LRRTM4: variants seen among roughly 807,000 people sequenced by gnomAD.
The protein encoded by LRRTM4 is leucine-rich repeat transmembrane neuronal protein 4.
In LRRTM4, 25 loss-of-function variants were observed where a neutral mutation model predicts 47.6. The observed-to-expected ratio is 0.53, with a 90% CI of 0.38 to 0.73. The LOEUF (loss-of-function observed/expected upper bound fraction) is 0.73, where lower values mean the gene tolerates loss of function less well. LRRTM4 is among the 30% of genes least tolerant of loss of function. The pLI is 0.00. For synonymous variants in LRRTM4, 311 were observed against 269.5 expected, an observed-to-expected ratio of 1.15 and a Z score of -1.51; for missense variants, 638 against 713.4, an observed-to-expected ratio of 0.89 and a Z score of 1.20.
intron 3 of LRRTM4, among the ~76,000 whole-genome samples, chr2:77,416,791 C>T (rs998437065): frequency 5.3e-5 from 8 of 152,002 alleles, no homozygotes; most frequent in Admixed American, 3.3e-4. Flanking sequence ...AATAGGGTAA[C>T]TGCATAAATG....
chr2:77,276,006 G>C (rs1053201558), intron 3 of LRRTM4, among the ~76,000 whole-genome samples: 7 of 151,916 alleles, frequency 4.6e-5, no homozygotes, highest in Admixed American at 3.3e-4. Context: ...TTGGAACTAT[G>C]GGAAACACAT....
chr2:77,296,659 TAAC>T (rs1370530665), intron 3 of LRRTM4, among the ~76,000 whole-genome samples: 2 of 152,198 alleles, frequency 1.3e-5, no homozygotes, highest in Admixed American at 6.5e-5. Context: ...CTTGTCAAAA[TAAC>T]AACATCATCA....
chr2:76,935,110 G>C (rs900471319), intron 3 of LRRTM4, among the ~76,000 whole-genome samples: 1 of 152,180 alleles, frequency 6.6e-6, no homozygotes, highest in Non-Finnish European at 1.5e-5. Flanking sequence ...AAGCCTATTA[G>C]ATTCAAGAGC....
chr2:77,518,166 G>T, intron 3 of LRRTM4, 152 bp downstream of exon 3: 1 of 1,267,402 alleles, frequency 7.9e-7, no homozygotes, highest in Non-Finnish European at 9.9e-7. Context: ...CCTGGTGGTT[G>T]TAATTTAATT....
At chr2:77,009,363 G>T (rs956830323) in intron 3 of LRRTM4, 1 of 152,098 alleles carries the variant, frequency 6.6e-6, no homozygotes, top group East Asian at 1.9e-4. Context: ...TTCCTTAGAA[G>T]TTGAACACAC....
At chr2:77,132,047 T>A (rs1010685805) in intron 3 of LRRTM4, among the ~76,000 whole-genome samples, 1 of 152,180 alleles carries the variant, frequency 6.6e-6, no homozygotes, top group African/African-American at 2.4e-5. Flanking sequence ...CGTGTTACAT[T>A]ATTGTTAATT....
At chr2:76,768,620 T>C (rs1407623757) in intron 3 of LRRTM4, among the ~76,000 whole-genome samples, 2 of 152,180 alleles carry the variant, frequency 1.3e-5, no homozygotes, top group African/African-American at 4.8e-5. Flanking sequence ...GAGTTAGGAC[T>C]GGAAGTTTAT....
intron 3 of LRRTM4, among the ~76,000 whole-genome samples, chr2:76,826,926 A>G (rs965879303): frequency 1.3e-4 from 19 of 151,934 alleles, no homozygotes; most frequent in African/African-American, 3.9e-4. Flanking sequence ...GCTTCCAGCC[A>G]TCTCAGACAG....
At chr2:77,205,352 G>A (rs1476520552) in intron 3 of LRRTM4, among the ~76,000 whole-genome samples, 4 of 152,290 alleles carry the variant, frequency 2.6e-5, no homozygotes, top group African/African-American at 9.6e-5. Flanking sequence ...ATTGGGTAAT[G>A]GAATGCAGAG....
chr2:77,382,783 A>C (rs1673112175), intron 3 of LRRTM4, among the ~76,000 whole-genome samples: 1 of 152,104 alleles, frequency 6.6e-6, no homozygotes, highest in African/African-American at 2.4e-5. Flanking sequence ...AATATTTTTC[A>C]CCTTTTTAAA....
intron 3 of LRRTM4, among the ~76,000 whole-genome samples, chr2:77,338,279 A>C: frequency 6.6e-6 from 1 of 152,044 alleles, no homozygotes; most frequent in Non-Finnish European, 1.5e-5. Flanking sequence ...CACAGCAAAC[A>C]AAACTGTCAA....
Position 77,382,464 on chromosome 2 carries a change from C to A in LRRTM4, c.1551+135854G>T, listed in dbSNP as rs290033. Among the ~76,000 whole-genome samples the A allele has an allele frequency of 1.8e-3, 268 of 151,884 alleles. 1 individual carries two copies. Among genetic ancestry groups the A allele is most frequent in the Middle Eastern group, 3.4e-3 (1 of 294 alleles). ...AGAAATTGTAAGTCAGTGGGCCTTA[C>A]AGATATCCCCCAAAATTTTTCACAA... On this transcript the variant is annotated intron_variant, in intron 3 of 3. Coordinates refer to ENST00000409884, the MANE Select transcript of LRRTM4 (RefSeq NM_001134745.3).
chr2:77,514,947 C>A (rs1480649866), intron 3 of LRRTM4, among the ~76,000 whole-genome samples: 1 of 151,796 alleles, frequency 6.6e-6, no homozygotes, highest in Non-Finnish European at 1.5e-5. Flanking sequence ...TTATGCCAAG[C>A]TTCACAAGCT....
At chr2:76,801,232 T>C (rs1411020553) in intron 3 of LRRTM4, among the ~76,000 whole-genome samples, 5 of 152,066 alleles carry the variant, frequency 3.3e-5, no homozygotes, top group Admixed American at 6.6e-5. Context: ...TATTGCAGCA[T>C]TATTCACAAT....
At chr2:77,470,726 C>G (rs1447260367) in intron 3 of LRRTM4, among the ~76,000 whole-genome samples, 10 of 152,066 alleles carry the variant, frequency 6.6e-5, no homozygotes, top group African/African-American at 2.4e-4. Context: ...TGAGAGAATG[C>G]AAAACTACTC....
chr2:77,025,721 T>G (rs540275233), intron 3 of LRRTM4, among the ~76,000 whole-genome samples: 2 of 152,274 alleles, frequency 1.3e-5, no homozygotes, highest in East Asian at 3.9e-4. Context: ...AAGAAGACTG[T>G]TGGCTTAGAG....
At chr2:77,199,651 A>G (rs1673921378) in intron 3 of LRRTM4, among the ~76,000 whole-genome samples, 2 of 152,168 alleles carry the variant, frequency 1.3e-5, no homozygotes, top group Admixed American at 6.6e-5. Context: ...AAGAATCTTC[A>G]TAGTGTCTGT....
intron 3 of LRRTM4, among the ~76,000 whole-genome samples, chr2:77,148,562 T>C (rs1341141867): frequency 6.6e-6 from 1 of 152,118 alleles, no homozygotes; most frequent in East Asian, 1.9e-4. Flanking sequence ...CCTTAACTTG[T>C]TGCATCTTCT....
chr2:76,970,577 A>G (rs1334969910), intron 3 of LRRTM4, among the ~76,000 whole-genome samples: 1 of 152,070 alleles, frequency 6.6e-6, no homozygotes, highest in African/African-American at 2.4e-5. Flanking sequence ...TGCTTTTACC[A>G]TAATAACCCC....
Sources: allele counts gnomAD v4.1 joint callset (sites outside exome capture counted in the v4.1 genomes callset), GRCh38; gene constraint gnomAD v4.1.1; transcripts MANE v1.5; gene names NCBI Gene and HGNC (gene_info 2026-07-23, HGNC 2026-07-21).